The following STXBP5 variants were observed in gnomAD, a reference collection of about 807,000 sequenced individuals.
STXBP5 encodes the protein syntaxin binding protein 5.
In STXBP5, 50 loss-of-function variants were observed where a neutral mutation model predicts 152.4. The observed-to-expected ratio is 0.33, with a 90% CI of 0.26 to 0.42. STXBP5 has a LOEUF of 0.42. STXBP5 is among the 10% of genes least tolerant of loss of function. The pLI, the probability that STXBP5 is intolerant of heterozygous loss-of-function variation, is 1.00. For synonymous variants in STXBP5, 492 were observed against 494.7 expected, an observed-to-expected ratio of 0.99 and a Z score of 0.07; for missense variants, 1,167 against 1,388.6, an observed-to-expected ratio of 0.84 and a Z score of 2.54.
Position 147,310,108 on chromosome 6 carries a change from A to G in STXBP5, c.942A>G (p.Gly314=). ...GGGAGCCTTTTATTATTTTATCAGG[A>G]GGTTTGTCATATGATACTGTAGGAA... ...RSGEPFIILS[G]GLSYDTVGRR... Residue 314 remains glycine (G), a synonymous_variant, in exon 10 of 28, where the codon GGA becomes GGG. Transcript: ENST00000321680. The G allele has an allele frequency of 6.4e-7, 1 of 1,556,354 alleles. No individual in the cohort carries two copies. The highest frequency in any genetic ancestry group is 8.6e-7 in the Non-Finnish European group (1 of 1,157,572).
intron 4 of STXBP5, among the ~76,000 whole-genome samples, chr6:147,248,627 C>T (rs1778935501): frequency 6.6e-6 from 1 of 152,138 alleles, no homozygotes; most frequent in Non-Finnish European, 1.5e-5. Flanking sequence ...GCAGTATTCA[C>T]ATCCTCCATG....
chr6:147,310,018 TATG>T (rs1687359341), intron 9 of STXBP5, 63 bp from the exon 10 acceptor site: 40 of 1,126,868 alleles, frequency 3.5e-5, no homozygotes, highest in Non-Finnish European at 4.4e-5. Context: ...ATTAAAAAAT[TATG>T]ATGTAGCAAG....
chr6:147,287,194 ATTTTTT>A (rs11370591), intron 8 of STXBP5, among the ~76,000 whole-genome samples: 5 of 75,256 alleles, frequency 6.6e-5, no homozygotes, highest in African/African-American at 1.6e-4. Context: ...TTAATTGTAC[ATTTTTT>A]TTTTTTTTTT....
At chr6:147,226,947 A>G (rs528792076) in intron 2 of STXBP5, among the ~76,000 whole-genome samples, 1 of 152,304 alleles carries the variant, frequency 6.6e-6, no homozygotes, top group African/African-American at 2.4e-5. Flanking sequence ...TAGTACAAGA[A>G]GCTCTGATTT....
intron 7 of STXBP5, among the ~76,000 whole-genome samples, chr6:147,269,100 T>C (rs986251069): frequency 2.0e-4 from 30 of 152,210 alleles, no homozygotes; most frequent in African/African-American, 6.0e-4. Flanking sequence ...GAGTCTTCAG[T>C]TGAATACTGA....
chr6:147,218,451 G>T (rs1189392474), intron 2 of STXBP5, among the ~76,000 whole-genome samples: 4 of 151,628 alleles, frequency 2.6e-5, no homozygotes, highest in African/African-American at 4.8e-5. Context: ...TTCTTTTCTG[G>T]TATATAAGAA....
At chr6:147,224,171 A>G (rs1777595429) in intron 2 of STXBP5, among the ~76,000 whole-genome samples, 1 of 152,252 alleles carries the variant, frequency 6.6e-6, no homozygotes, top group Non-Finnish European at 1.5e-5. Context: ...CATGCCTGTA[A>G]TCTCAGCACT....
chr6:147,205,466 C>T (rs1776501309), intron 1 of STXBP5, among the ~76,000 whole-genome samples: 1 of 151,368 alleles, frequency 6.6e-6, no homozygotes. Context: ...TACTCATCTT[C>T]ATTCTGTTAC....
At chr6:147,275,659 G>A (rs773296649) in intron 7 of STXBP5, among the ~76,000 whole-genome samples, 2 of 139,136 alleles carry the variant, frequency 1.4e-5, no homozygotes, top group African/African-American at 2.7e-5. Context: ...CCGGGTTCAC[G>A]CCATTCTCCT....
intron 2 of STXBP5, among the ~76,000 whole-genome samples, chr6:147,230,659 CTGTG>C (rs148015603): frequency 2.0e-5 from 3 of 148,988 alleles, no homozygotes; most frequent in Admixed American, 1.3e-4. Context: ...ATATATTTTG[CTGTG>C]TGTGTGTGTG....
At chr6:147,372,327 T>A (rs2128418356) in intron 25 of STXBP5, among the ~76,000 whole-genome samples, 1 of 142,772 alleles carries the variant, frequency 7.0e-6, no homozygotes, top group Admixed American at 7.1e-5. Flanking sequence ...GAAAAATACA[T>A]ACTTTTATTC....
chr6:147,376,185 A>G (rs1387749606), intron 26 of STXBP5, among the ~76,000 whole-genome samples: 1 of 152,240 alleles, frequency 6.6e-6, no homozygotes, highest in Non-Finnish European at 1.5e-5. Context: ...AATATGTCAT[A>G]ACATTAAAGA....
Position 147,206,034 on chromosome 6 carries a change from C to T in STXBP5, c.214C>T (p.Leu72=). 6.2e-7 allele frequency: 1 copy of T among 1,614,158 alleles called. No individual in the cohort carries two copies. The highest frequency in any genetic ancestry group is 2.2e-5 in the East Asian group (1 of 44,874). The change falls in exon 2 of 28, where the codon CTG becomes TTG. Residue 72 remains leucine (L), a synonymous_variant. Transcript: ENST00000321680. The part of the protein sequence containing the change: ...ALAFDPVQKI[L]AVGTQTGALR... The stretch of plus-strand genomic sequence containing the variant: ...GGCCTTTGATCCTGTACAGAAGATC[C>T]TGGCAGTGGGAACTCAGACTGGTGC...
At chr6:147,323,154 G>C (rs1202492057) in intron 16 of STXBP5, among the ~76,000 whole-genome samples, 1 of 145,396 alleles carries the variant, frequency 6.9e-6, no homozygotes, top group African/African-American at 2.5e-5. Flanking sequence ...AGTAAATATT[G>C]AGTACCTCTT....
chr6:147,304,508 G>A (rs1781991111), intron 9 of STXBP5, among the ~76,000 whole-genome samples: 1 of 152,116 alleles, frequency 6.6e-6, no homozygotes, highest in Admixed American at 6.6e-5. Flanking sequence ...TGGGAAATGT[G>A]GAGTCGGTGC....
chr6:147,275,435 T>G (rs934792602), intron 7 of STXBP5, among the ~76,000 whole-genome samples: 2 of 151,990 alleles, frequency 1.3e-5, no homozygotes, highest in Non-Finnish European at 2.9e-5. Flanking sequence ...TTTGTATGTC[T>G]TTTATTTATT....
At position 147,339,393 on chromosome 6, in the gene STXBP5, T is replaced by C. The variant is rs770694583; in HGVS notation, c.2254+9T>C. On this transcript the variant is annotated intron_variant, in intron 21 of 27. Coordinates refer to ENST00000321680, the MANE Select transcript of STXBP5 (RefSeq NM_001127715.4). ...GGTAGCCAATGATATAGGTAGGAAATAGAAATTTCTATTTTGTTTCTAATC... is the reference window on the plus strand; with the variant it reads ...GGTAGCCAATGATATAGGTAGGAAACAGAAATTTCTATTTTGTTTCTAATC... The C allele has an allele frequency of 7.4e-5, 110 of 1,482,002 alleles. No individual in the cohort carries two copies. Among genetic ancestry groups the C allele is most frequent in the Non-Finnish European group, 8.8e-5 (99 of 1,123,336 alleles). 91.8% of individuals were successfully genotyped at this position (1,482,002 alleles called of 1,614,324 possible).
intron 4 of STXBP5, among the ~76,000 whole-genome samples, chr6:147,254,387 A>G (rs1196996023): frequency 6.6e-6 from 1 of 152,224 alleles, no homozygotes; most frequent in Non-Finnish European, 1.5e-5. Context: ...GAATGGGCAA[A>G]GACTTCGTGA....
chr6:147,265,464 A>G lies in STXBP5; in HGVS notation c.631-1620A>G, dbSNP rs186247967. Among the ~76,000 whole-genome samples, 211 of 152,270 alleles carry G rather than the reference A, an allele frequency of 1.4e-3. 1 individual carries two copies. The highest frequency in any genetic ancestry group is 2.0e-3 in the Admixed American group (31 of 15,284). ...GAAGTGTATTAGATATTAGAGACAT[A>G]TAGATGAAAATGCATGGTACTAGTT... On this transcript the variant is annotated intron_variant, in intron 6 of 27. Coordinates refer to ENST00000321680, the MANE Select transcript of STXBP5 (RefSeq NM_001127715.4).
Sources: gnomAD v4.1 joint callset for allele counts (sites outside exome capture counted in the v4.1 genomes callset) on GRCh38, gnomAD v4.1.1 for gene constraint, MANE v1.5 for transcripts, NCBI Gene and HGNC (gene_info 2026-07-23, HGNC 2026-07-21) for gene names.